The following ENPP6 variants were observed in gnomAD, a reference collection of about 807,000 sequenced individuals.
ENPP6 encodes the protein ectonucleotide pyrophosphatase/phosphodiesterase 6, also known as glycerophosphocholine cholinephosphodiesterase ENPP6.
In ENPP6, 32 loss-of-function variants were observed where a neutral mutation model predicts 42.0. The ratio of observed to expected loss-of-function variants is 0.76; its 90% CI spans 0.58 to 1.02. The LOEUF is 1.02. ENPP6 is among the 50% of genes least tolerant of loss of function. ENPP6 has a pLI of 0.00. For synonymous variants in ENPP6, 213 were observed against 216.0 expected (o/e 0.99, Z 0.12); for missense variants, 552 against 566.8 (o/e 0.97, Z 0.27).
rs550367588 is a variant in ENPP6 at position 184,142,487 on chromosome 4, T to G, written c.421+11067A>C. 1.5e-4 allele frequency among the ~76,000 whole-genome samples: 22 copies of G among 143,772 alleles called. No individual in the cohort carries two copies. In the South Asian group the frequency reaches 3.8e-3, roughly 25 times the overall value. 94.3% of individuals were successfully genotyped at this position (143,772 alleles called of 152,430 possible). A position where few individuals can be genotyped will look rare whatever the true frequency, so the allele number is the denominator to read the frequency against. On this transcript the variant is annotated intron_variant, in intron 2 of 7. Coordinates refer to ENST00000296741, the MANE Select transcript of ENPP6 (RefSeq NM_153343.4). ...GATCTCAGAGACACTTTTCCTGGGG[T>G]TGGCCTTGCCCACGGGGCTGGGGGA...
chr4:184,096,589 G>C (rs1158944922), intron 7 of ENPP6, among the ~76,000 whole-genome samples: 1 of 152,134 alleles, frequency 6.6e-6, no homozygotes, highest in African/African-American at 2.4e-5. Context: ...AATTGGCAGG[G>C]ATCCATCTGT....
intron 1 of ENPP6, among the ~76,000 whole-genome samples, chr4:184,187,822 C>G (rs765214564): frequency 6.6e-6 from 1 of 152,200 alleles, no homozygotes; most frequent in African/African-American, 2.4e-5. Flanking sequence ...AAGAGTATCT[C>G]TGGCTCCATA....
intron 1 of ENPP6, among the ~76,000 whole-genome samples, chr4:184,157,623 CT>C (rs771911242): frequency 3.5e-5 from 5 of 143,942 alleles, no homozygotes; most frequent in Non-Finnish European, 6.0e-5. Flanking sequence ...CTCTCTTTCT[CT>C]CTTTCTTCTT....
Position 184,215,382 on chromosome 4 carries a change from A to G in ENPP6, c.241+2197T>C, listed in dbSNP as rs73009797. Among the ~76,000 whole-genome samples the G allele has an allele frequency of 8.7e-3, 1,331 of 152,366 alleles. 23 individuals are homozygous for G. The highest frequency in any genetic ancestry group is 0.03 in the African/African-American group (1,251 of 41,588). On this transcript the variant is annotated intron_variant, in intron 1 of 7. Coordinates refer to ENST00000296741, the MANE Select transcript of ENPP6 (RefSeq NM_153343.4). Reference sequence around the variant, plus strand: ...TGTTTAGCTACAATTCCCAATGGCTATATCCTTCTTTATATGAGTAAAAGA... The same window carrying G: ...TGTTTAGCTACAATTCCCAATGGCTGTATCCTTCTTTATATGAGTAAAAGA...
intron 2 of ENPP6, among the ~76,000 whole-genome samples, chr4:184,130,461 G>A (rs1020202214): frequency 1.1e-5 from 1 of 91,110 alleles, no homozygotes; most frequent in Admixed American, 9.4e-5. Context: ...GGGAGGCTGA[G>A]GCAGGAGAAT....
At chr4:184,114,803 T>A (rs1014244880) in intron 5 of ENPP6, among the ~76,000 whole-genome samples, 1 of 151,704 alleles carries the variant, frequency 6.6e-6, no homozygotes, top group Non-Finnish European at 1.5e-5. Flanking sequence ...AAACCCAGAA[T>A]GTATTTTCAA....
chr4:184,216,965 C>G (rs1333656604), intron 1 of ENPP6: 3 of 152,100 alleles, frequency 2.0e-5, no homozygotes, highest in Non-Finnish European at 4.4e-5. Context: ...AATGGGGAAC[C>G]TGAACGACAC....
chr4:184,206,935 G>A (rs907929219), intron 1 of ENPP6, among the ~76,000 whole-genome samples: 1 of 152,174 alleles, frequency 6.6e-6, no homozygotes, highest in African/African-American at 2.4e-5. Flanking sequence ...CAACCTTCTG[G>A]CCACTCTAAG....
intron 2 of ENPP6, among the ~76,000 whole-genome samples, chr4:184,133,344 G>T (rs1247591498): frequency 1.3e-5 from 2 of 151,950 alleles, no homozygotes; most frequent in Non-Finnish European, 2.9e-5. Context: ...AAGTTCTTGA[G>T]CCATTTTTAT....
intron 3 of ENPP6, among the ~76,000 whole-genome samples, chr4:184,123,797 C>T (rs942400471): frequency 6.6e-6 from 1 of 152,142 alleles, no homozygotes; most frequent in African/African-American, 2.4e-5. Flanking sequence ...ACTTATTTGA[C>T]CACATATCCT....
intron 7 of ENPP6, among the ~76,000 whole-genome samples, chr4:184,091,902 A>C (rs899349120): frequency 1.3e-5 from 2 of 152,162 alleles, no homozygotes; most frequent in Admixed American, 6.5e-5. Context: ...TCTCAAAAAA[A>C]GGTAATCAGC....
chr4:184,114,677 G>A lies in ENPP6; in HGVS notation c.856-1868C>T, dbSNP rs116010115. On this transcript the variant is annotated intron_variant, in intron 5 of 7. Coordinates refer to ENST00000296741, the MANE Select transcript of ENPP6 (RefSeq NM_153343.4). ...TGACTTGAACAGTACCTTGGAAGGCGCTCTCCCTAGCTCAAAAGCTGTTGA... is the reference window on the plus strand; with the variant it reads ...TGACTTGAACAGTACCTTGGAAGGCACTCTCCCTAGCTCAAAAGCTGTTGA... 6.0e-3 allele frequency among the ~76,000 whole-genome samples: 906 copies of A among 151,708 alleles called. 12 individuals are homozygous for A. The highest frequency in any genetic ancestry group is 0.021 in the African/African-American group (869 of 41,314).
chr4:184,169,225 C>T (rs1737415563), intron 1 of ENPP6, among the ~76,000 whole-genome samples: 1 of 152,172 alleles, frequency 6.6e-6, no homozygotes, highest in Non-Finnish European at 1.5e-5. Context: ...GGCATCCAGC[C>T]CTAGCCAGGC....
chr4:184,133,103 T>C lies in ENPP6; in HGVS notation c.422-8831A>G, dbSNP rs79389548. ...CCTGTTTTGTTCATCTGACTCCAAA[T>C]AGTTTCAGCTATTCTGGAGTCTGCA... On this transcript the variant is annotated intron_variant, in intron 2 of 7. Transcript: ENST00000296741. Among the ~76,000 whole-genome samples, 347 of 151,994 alleles carry C rather than the reference T, an allele frequency of 2.3e-3. 7 individuals are homozygous for C. The East Asian group carries it at 0.046, about 20-fold the overall frequency.
intron 2 of ENPP6, among the ~76,000 whole-genome samples, chr4:184,146,645 C>G (rs1030952049): frequency 2.6e-5 from 4 of 152,206 alleles, no homozygotes; most frequent in Non-Finnish European, 2.9e-5. Flanking sequence ...TCACGATGCC[C>G]ACTCTGTCTT....
At chr4:184,127,298 GA>G (rs1314969633) in intron 2 of ENPP6, among the ~76,000 whole-genome samples, 1 of 151,254 alleles carries the variant, frequency 6.6e-6, no homozygotes, top group Admixed American at 6.6e-5. Flanking sequence ...TAACCATTAG[GA>G]AAAAAACAAT....
At chr4:184,200,360 A>G (rs1032163459) in intron 1 of ENPP6, among the ~76,000 whole-genome samples, 7 of 152,132 alleles carry the variant, frequency 4.6e-5, no homozygotes, top group African/African-American at 1.4e-4. Flanking sequence ...CACTGTTATT[A>G]CTGCTTGTGT....
chr4:184,096,531 G>A (rs765620102), intron 7 of ENPP6, among the ~76,000 whole-genome samples: 4 of 152,180 alleles, frequency 2.6e-5, no homozygotes, highest in African/African-American at 4.8e-5. Context: ...AGGGTGTTCA[G>A]GTAGCAGTAA....
intron 1 of ENPP6, among the ~76,000 whole-genome samples, chr4:184,189,565 C>T (rs991593345): frequency 6.6e-6 from 1 of 152,190 alleles, no homozygotes; most frequent in African/African-American, 2.4e-5. Flanking sequence ...GGCTCATGAC[C>T]AATGACAGTC....
Sources: gnomAD v4.1 joint callset for allele counts (sites outside exome capture counted in the v4.1 genomes callset) on GRCh38, gnomAD v4.1.1 for gene constraint, MANE v1.5 for transcripts, NCBI Gene and HGNC (gene_info 2026-07-23, HGNC 2026-07-21) for gene names.